Variants in PCCB observed in about 807,000 individuals in gnomAD.
PCCB encodes the protein propionyl-CoA carboxylase subunit beta.
Under a neutral mutation model 60.7 loss-of-function variants are expected in PCCB, and 43 were observed. The observed-to-expected ratio is 0.71, with a 90% CI of 0.55 to 0.91. The LOEUF (loss-of-function observed/expected upper bound fraction) is 0.91. Among genes scored for constraint, PCCB ranks in the 40% least tolerant of loss-of-function variants. PCCB has a pLI of 0.00. For synonymous variants in PCCB, 276 were observed against 255.9 expected, an observed-to-expected ratio of 1.08 and a Z score of -0.75; for missense variants, 766 against 702.8, an observed-to-expected ratio of 1.09 and a Z score of -1.02.
chr3:136,328,378 A>T (rs1361013318), intron 13 of PCCB, among the ~76,000 whole-genome samples: 1 of 152,230 alleles, frequency 6.6e-6, no homozygotes, highest in Non-Finnish European at 1.5e-5. Flanking sequence ...GAAAAAGGGA[A>T]ATAGCACATT....
At chr3:136,296,873 G>C (rs1933963803) in intron 7 of PCCB, among the ~76,000 whole-genome samples, 1 of 152,344 alleles carries the variant, frequency 6.6e-6, no homozygotes, top group Admixed American at 6.5e-5. Flanking sequence ...GTACCTATGT[G>C]TGAAGCATTG....
chr3:136,295,283 C>A (rs901207657), intron 7 of PCCB, among the ~76,000 whole-genome samples: 4 of 152,180 alleles, frequency 2.6e-5, no homozygotes, highest in African/African-American at 9.7e-5. Context: ...CATTTCTTCC[C>A]AGTGTCCCTA....
Position 136,317,060 on chromosome 3 carries a change from C to G in PCCB, c.1086C>G (p.Ala362=). 1.2e-6 allele frequency: 2 copies of G among 1,613,980 alleles called. No individual in the cohort carries two copies. Among genetic ancestry groups the G allele is most frequent in the Non-Finnish European group, 8.5e-7 (1 of 1,180,010 alleles). Residue 362 remains alanine (A), a synonymous_variant, in exon 10 of 15, where the codon GCC becomes GCG. Transcript: ENST00000251654. ...TTGTTGGCAACCAACCTAAGGTGGC[C>G]TCAGGTAGGATGGAGCTCTTATAAG... The part of the protein sequence containing the change: ...VGIVGNQPKV[A]SGCLDINSSV...
chr3:136,326,653 T>C, intron 10 of PCCB, 150 bp from the exon 11 acceptor site: 1 of 715,158 alleles, frequency 1.4e-6, no homozygotes, highest in Non-Finnish European at 2.5e-6. Flanking sequence ...TTTCCTGGAG[T>C]TTGAGGGGTC....
At chr3:136,266,690 C>T (rs1278786639) in intron 5 of PCCB, among the ~76,000 whole-genome samples, 1 of 152,180 alleles carries the variant, frequency 6.6e-6, no homozygotes, top group Non-Finnish European at 1.5e-5. Flanking sequence ...TCTTTATGTA[C>T]ATATTAGTCA....
rs113471858 is a variant in PCCB at position 136,298,313 on chromosome 3, G to T, written c.884+241G>T. Among the ~76,000 whole-genome samples the T allele has an allele frequency of 0.012, 1,895 of 152,164 alleles. 31 individuals are homozygous for T. Among genetic ancestry groups the T allele is most frequent in the East Asian group, 0.047 (241 of 5,180 alleles). ...TGGTGGTGAAGAGTGGCCCAAAACA[G>T]TTTTAAAGAAAAATTTTTTGATTTC... On this transcript the variant is annotated intron_variant, in intron 8 of 14. Coordinates refer to ENST00000251654, the MANE Select transcript of PCCB (RefSeq NM_000532.5).
intron 8 of PCCB, among the ~76,000 whole-genome samples, chr3:136,299,820 G>GTATGTATGTATATGCA (rs1934156936): frequency 6.7e-6 from 1 of 148,640 alleles, no homozygotes; most frequent in African/African-American, 2.6e-5. Context: ...GTATGCATGT[G>GTATGTATGTATATGCA]TATGTATGTA....
At chr3:136,284,588 G>A (rs1933279545) in intron 6 of PCCB, among the ~76,000 whole-genome samples, 1 of 152,106 alleles carries the variant, frequency 6.6e-6, no homozygotes, top group African/African-American at 2.4e-5. Flanking sequence ...AATGGTTGGG[G>A]GGAAAAAGTA....
At chr3:136,272,321 CT>C in intron 5 of PCCB, among the ~76,000 whole-genome samples, 1 of 151,940 alleles carries the variant, frequency 6.6e-6, no homozygotes, top group Admixed American at 6.6e-5. Context: ...CTGTAGTTTT[CT>C]TTTTTTAATG....
intron 10 of PCCB, among the ~76,000 whole-genome samples, chr3:136,323,452 C>T (rs1935179263): frequency 6.6e-6 from 1 of 152,002 alleles, no homozygotes; most frequent in African/African-American, 2.4e-5. Context: ...TCCTTTAGTT[C>T]TTTGTCCATG....
chr3:136,319,163 C>T (rs1402102115), intron 10 of PCCB, among the ~76,000 whole-genome samples: 3 of 152,110 alleles, frequency 2.0e-5, no homozygotes, highest in Admixed American at 6.6e-5. Context: ...CAACATTAGT[C>T]TTGGTGAGCA....
chr3:136,286,812 CTTGAGGCTAGTAGT>C (rs1933432027), intron 6 of PCCB, among the ~76,000 whole-genome samples: 1 of 152,022 alleles, frequency 6.6e-6, no homozygotes, highest in Admixed American at 6.6e-5. Context: ...GGGTGGATCA[CTTGAGGCTAGTAGT>C]TTGAGACCAG....
Position 136,327,135 on chromosome 3 carries a change from T to G in PCCB, c.1199-20T>G, listed in dbSNP as rs1935349052. 6.2e-7 allele frequency: 1 copy of G among 1,608,988 alleles called. No individual in the cohort carries two copies. Among genetic ancestry groups the G allele is most frequent in the Non-Finnish European group, 8.5e-7 (1 of 1,175,296 alleles). ...CATGTGAGGACTTGTGGGTATCTAGTAACTCTTCCTCATGTCTAGGCACAG... is the reference window on the plus strand; with the variant it reads ...CATGTGAGGACTTGTGGGTATCTAGGAACTCTTCCTCATGTCTAGGCACAG... On this transcript the variant is annotated intron_variant, in intron 11 of 14. Coordinates refer to ENST00000251654, the MANE Select transcript of PCCB (RefSeq NM_000532.5).
intron 1 of PCCB, among the ~76,000 whole-genome samples, chr3:136,254,132 TTTG>T (rs1430112405): frequency 3.9e-5 from 6 of 152,146 alleles, no homozygotes; most frequent in East Asian, 1.9e-4. Context: ...TGTGGTTTTT[TTTG>T]TTGTTGTTGG....
intron 9 of PCCB, among the ~76,000 whole-genome samples, chr3:136,312,168 C>T (rs1441493056): frequency 6.6e-6 from 1 of 152,226 alleles, no homozygotes; most frequent in African/African-American, 2.4e-5. Flanking sequence ...TGCGTAACAA[C>T]AGGGATGTGT....
intron 5 of PCCB, among the ~76,000 whole-genome samples, chr3:136,267,650 A>G (rs1312491307): frequency 2.0e-5 from 3 of 151,588 alleles, no homozygotes; most frequent in African/African-American, 4.8e-5. Flanking sequence ...ACATCTGGCA[A>G]TTTTTTTTCA....
At chr3:136,289,851 A>G (rs1486660785) in intron 6 of PCCB, among the ~76,000 whole-genome samples, 1 of 150,436 alleles carries the variant, frequency 6.6e-6, no homozygotes, top group Non-Finnish European at 1.5e-5. Context: ...AGCTATTTTA[A>G]GTTAATTTCA....
In PCCB at chr3:136,297,619, G is replaced by A. The variant is rs149231814; in HGVS notation, c.764-333G>A. Among the ~76,000 whole-genome samples the A allele has an allele frequency of 1.7e-3, 262 of 152,280 alleles. 1 individual carries two copies. The highest frequency in any genetic ancestry group is 5.9e-3 in the African/African-American group (247 of 41,552). On this transcript the variant is annotated intron_variant, in intron 7 of 14. Transcript: ENST00000251654. ...AAATAGGTGATGCAGAGAAAAGTACGGGAGGAGAACTCCCGCATGGTATAG... is the reference window on the plus strand; with the variant it reads ...AAATAGGTGATGCAGAGAAAAGTACAGGAGGAGAACTCCCGCATGGTATAG...
chr3:136,321,611 A>T (rs1008083260), intron 10 of PCCB, among the ~76,000 whole-genome samples: 1 of 152,176 alleles, frequency 6.6e-6, no homozygotes, highest in South Asian at 2.1e-4. Context: ...CGTGAGGAAA[A>T]CCACCCCCAT....
Sources: gnomAD v4.1 joint callset for allele counts (sites outside exome capture counted in the v4.1 genomes callset) on GRCh38, gnomAD v4.1.1 for gene constraint, MANE v1.5 for transcripts, NCBI Gene and HGNC (gene_info 2026-07-23, HGNC 2026-07-21) for gene names.